WDPCP: variants seen among roughly 807,000 people sequenced by gnomAD.
WDPCP encodes the protein WD repeat containing planar cell polarity effector.
In WDPCP, 71 loss-of-function variants were observed where a neutral mutation model predicts 93.1. The observed-to-expected ratio is 0.76, with a 90% CI of 0.63 to 0.93. The LOEUF is 0.93. Among genes scored for constraint, WDPCP ranks in the 40% least tolerant of loss-of-function variants. The probability of loss-of-function intolerance (pLI) is 0.00; values close to 1 mark genes in which losing one functional copy is unlikely to be tolerated. For synonymous variants in WDPCP, 315 were observed against 315.0 expected (o/e 1.00, Z 0.00); for missense variants, 844 against 887.4 (o/e 0.95, Z 0.62).
upstream of WDPCP, chr2:63,588,933 C>G (rs558695188): frequency 2.9e-5 from 44 of 1,505,448 alleles, no homozygotes; most frequent in African/African-American, 2.9e-4. Flanking sequence ...GGAGCGGAGC[C>G]TTTTCTCGCT....
intron 14 of WDPCP, among the ~76,000 whole-genome samples, chr2:63,227,205 G>A (rs1559223101): frequency 6.6e-6 from 1 of 151,806 alleles, no homozygotes; most frequent in East Asian, 1.9e-4. Flanking sequence ...GCTTTAAAAT[G>A]CCCACTGAAT....
At chr2:63,676,292 T>C (rs1710402923) in intron 2 of WDPCP, among the ~76,000 whole-genome samples, 1 of 152,184 alleles carries the variant, frequency 6.6e-6, no homozygotes, top group Non-Finnish European at 1.5e-5. Flanking sequence ...GAAAGGTATC[T>C]AAGTGCATGA....
chr2:63,306,295 G>A (rs547321475), intron 13 of WDPCP, among the ~76,000 whole-genome samples: 15 of 152,212 alleles, frequency 9.9e-5, no homozygotes, highest in South Asian at 4.2e-4. Context: ...ATTCACAGCC[G>A]AATTCTACCA....
chr2:63,214,504 G>A (rs896157279), intron 14 of WDPCP, among the ~76,000 whole-genome samples: 23 of 152,020 alleles, frequency 1.5e-4, no homozygotes, highest in Non-Finnish European at 3.1e-4. Flanking sequence ...TGACAAACCC[G>A]CAGCCAGTAT....
chr2:63,443,664 G>C (rs1320577649), intron 6 of WDPCP, among the ~76,000 whole-genome samples: 1 of 152,162 alleles, frequency 6.6e-6, no homozygotes, highest in Non-Finnish European at 1.5e-5. Context: ...TTTAAAGCGG[G>C]GGATCAGGGC....
chr2:63,584,448 T>C (rs556766328), intron 1 of WDPCP, among the ~76,000 whole-genome samples: 10 of 152,328 alleles, frequency 6.6e-5, no homozygotes, highest in Non-Finnish European at 1.2e-4. Context: ...TTTTTGATGC[T>C]CATCCATGTT....
intron 15 of WDPCP, among the ~76,000 whole-genome samples, chr2:63,163,200 T>C (rs1369663559): frequency 1.3e-5 from 2 of 152,208 alleles, no homozygotes; most frequent in East Asian, 3.8e-4. Context: ...TCAACTCCCA[T>C]TGTCTTTCTC....
intron 14 of WDPCP, among the ~76,000 whole-genome samples, chr2:63,217,729 G>C (rs1267143724): frequency 6.6e-5 from 10 of 152,168 alleles, no homozygotes; most frequent in African/African-American, 2.4e-4. Context: ...GATGGGTTTA[G>C]ATGAAAAGCG....
At chr2:63,668,274 C>T (rs1198985652) in intron 2 of WDPCP, among the ~76,000 whole-genome samples, 1 of 152,142 alleles carries the variant, frequency 6.6e-6, no homozygotes. Flanking sequence ...TCCCCTCTCC[C>T]ACCACTCCCC....
At chr2:63,703,671 G>A (rs113248880) in intron 2 of WDPCP, among the ~76,000 whole-genome samples, 1 of 151,952 alleles carries the variant, frequency 6.6e-6, no homozygotes, top group Non-Finnish European at 1.5e-5. Flanking sequence ...CTCTGTTTTG[G>A]TACCAGTACC....
chr2:63,691,124 A>G (rs2103669085), intron 2 of WDPCP, among the ~76,000 whole-genome samples: 1 of 152,298 alleles, frequency 6.6e-6, no homozygotes, highest in African/African-American at 2.4e-5. Context: ...TCACGTGGGC[A>G]CCCTTAGCAT....
chr2:63,605,475 G>C (rs1204670135), intron 3 of WDPCP: 2 of 1,008,486 alleles, frequency 2.0e-6, no homozygotes, highest in East Asian at 2.5e-5. Context: ...TATAGCCTTA[G>C]CAGTCAGTCA....
chr2:63,659,236 A>G (rs916330741), intron 2 of WDPCP, among the ~76,000 whole-genome samples: 2 of 152,218 alleles, frequency 1.3e-5, no homozygotes, highest in Admixed American at 1.3e-4. Context: ...AAGTTTCAGG[A>G]TATCAGAAAG....
intron 4 of WDPCP, among the ~76,000 whole-genome samples, chr2:63,485,535 C>T (rs1700523228): frequency 6.6e-6 from 1 of 151,680 alleles, no homozygotes; most frequent in Admixed American, 6.6e-5. Flanking sequence ...AAATTAGGCC[C>T]TAATAGTGCT....
chr2:63,575,639 T>C (rs1271802283), intron 1 of WDPCP, among the ~76,000 whole-genome samples: 1 of 148,884 alleles, frequency 6.7e-6, no homozygotes, highest in Non-Finnish European at 1.5e-5. Flanking sequence ...CTATACAGTA[T>C]ATATACTGTA....
chr2:63,538,987 G>A (rs906500188), intron 1 of WDPCP, among the ~76,000 whole-genome samples: 1 of 152,144 alleles, frequency 6.6e-6, no homozygotes, highest in South Asian at 2.1e-4. Flanking sequence ...CACAGCTGGT[G>A]TCTATTTCTC....
At chr2:63,122,809 G>A (rs780941269) in intron 17 of WDPCP, among the ~76,000 whole-genome samples, 158 of 152,070 alleles carry the variant, frequency 1.0e-3, no homozygotes, top group Non-Finnish European at 1.6e-3. Flanking sequence ...ACACTATCAT[G>A]TCATAATTGG....
rs1254090614 is a variant in WDPCP, at chr2:63,727,882, T to C, written n.309-77044A>G. On this transcript the variant is annotated intron_variant and non_coding_transcript_variant, in intron 2 of 4. Transcript: ENST00000467687. ...GCACTGTCCCCTTTGTCATTGCTGA[T>C]TGTGTTTTTTGGATCTTCTCTCTTT... 2.0e-5 allele frequency among the ~76,000 whole-genome samples: 3 copies of C among 152,180 alleles called. No individual in the cohort carries two copies. The East Asian group carries it at 5.8e-4, about 29-fold the overall frequency.
intron 10 of WDPCP, among the ~76,000 whole-genome samples, chr2:63,402,360 A>G (rs1694219255): frequency 6.6e-6 from 1 of 152,162 alleles, no homozygotes; most frequent in East Asian, 1.9e-4. Context: ...CAAATACCTA[A>G]TGCATGCAGG....
Sources: gnomAD v4.1 joint callset for allele counts (sites outside exome capture counted in the v4.1 genomes callset) on GRCh38, gnomAD v4.1.1 for gene constraint, MANE v1.5 for transcripts, NCBI Gene and HGNC (gene_info 2026-07-23, HGNC 2026-07-21) for gene names.